The following CDH10 variants were observed in gnomAD, a reference collection of about 807,000 sequenced individuals.
CDH10 encodes the protein cadherin-10.
A neutral mutation model predicts 73.1 loss-of-function variants in CDH10; 30 were observed. The ratio of observed to expected loss-of-function variants is 0.41; its 90% confidence interval spans 0.31 to 0.56. The LOEUF (loss-of-function observed/expected upper bound fraction) is 0.56, where lower values mean the gene tolerates loss of function less well. Ranked by LOEUF, CDH10 falls within the 20% of genes least tolerant of loss-of-function variation. The pLI is 0.27. For synonymous variants in CDH10, 345 were observed against 348.2 expected (o/e 0.99, Z 0.10); for missense variants, 815 against 973.7 (o/e 0.84, Z 2.17).
At chr5:24,619,610 A>G (rs1747242910) in intron 1 of CDH10, among the ~76,000 whole-genome samples, 1 of 152,250 alleles carries the variant, frequency 6.6e-6, no homozygotes, top group Non-Finnish European at 1.5e-5. Context: ...CACGAAGGAC[A>G]TGAATTTTGG....
chr5:24,544,534 G>C (rs915779615), intron 2 of CDH10, among the ~76,000 whole-genome samples: 2 of 152,118 alleles, frequency 1.3e-5, no homozygotes, highest in Non-Finnish European at 2.9e-5. Context: ...CATTTGACAG[G>C]GTTCCCCAGA....
chr5:24,589,447 A>T (rs1746129446), intron 2 of CDH10, among the ~76,000 whole-genome samples: 2 of 152,030 alleles, frequency 1.3e-5, no homozygotes, highest in African/African-American at 4.8e-5. Flanking sequence ...ATTTTACTAT[A>T]CTGACTTAGA....
chr5:24,533,942 G>C (rs1488312701), intron 5 of CDH10, among the ~76,000 whole-genome samples: 2 of 152,052 alleles, frequency 1.3e-5, no homozygotes, highest in African/African-American at 4.8e-5. Context: ...ATAGGTACGT[G>C]ATTAGTGTGC....
At chr5:24,488,570 G>A (rs1007126497) in intron 11 of CDH10, among the ~76,000 whole-genome samples, 1 of 151,932 alleles carries the variant, frequency 6.6e-6, no homozygotes, top group East Asian at 1.9e-4. Context: ...AGGACAACAC[G>A]ATGCTTACTT....
chr5:24,557,815 T>G (rs1409251850), intron 2 of CDH10, among the ~76,000 whole-genome samples: 1 of 151,706 alleles, frequency 6.6e-6, no homozygotes, highest in Non-Finnish European at 1.5e-5. Context: ...ATTAGTATAG[T>G]CACTAAAGAA....
chr5:24,603,330 A>T (rs756910876), intron 1 of CDH10, among the ~76,000 whole-genome samples: 8 of 152,220 alleles, frequency 5.3e-5, no homozygotes, highest in Non-Finnish European at 1.2e-4. Context: ...CATTTTATGT[A>T]TGTATCATTA....
At chr5:24,596,677 C>T (rs147474850) in intron 1 of CDH10, among the ~76,000 whole-genome samples, 1 of 151,830 alleles carries the variant, frequency 6.6e-6, no homozygotes, top group Non-Finnish European at 1.5e-5. Context: ...TTAATTTCAA[C>T]CCTGATATGT....
intron 2 of CDH10, among the ~76,000 whole-genome samples, chr5:24,573,074 T>A (rs1412257137): frequency 6.6e-6 from 1 of 151,818 alleles, no homozygotes; most frequent in African/African-American, 2.4e-5. Flanking sequence ...GAACATGTGC[T>A]TTTATCTAAC....
intron 2 of CDH10, among the ~76,000 whole-genome samples, chr5:24,587,997 G>A (rs1167095720): frequency 6.6e-6 from 1 of 152,188 alleles, no homozygotes; most frequent in African/African-American, 2.4e-5. Context: ...TTTTCTGCAA[G>A]ACATGCCTCT....
chr5:24,623,678 A>T, intron 1 of CDH10, among the ~76,000 whole-genome samples: 1 of 152,220 alleles, frequency 6.6e-6, no homozygotes, highest in Non-Finnish European at 1.5e-5. Context: ...AGCAACACAG[A>T]GGTCTGAATA....
Position 24,511,324 on chromosome 5 carries a change from C to A in CDH10, c.1002+3G>T. ...GATGCTTATTTATATGGATGCTGTG[C>A]ACCTTTTTCACAGTGATGATGCCTT... On this transcript the variant is annotated splice_donor_region_variant and intron_variant, in intron 6 of 11. Transcript: ENST00000264463. 1.3e-6 allele frequency: 2 copies of A among 1,588,486 alleles called. No individual in the cohort carries two copies. The highest frequency in any genetic ancestry group is 8.6e-7 in the Non-Finnish European group (1 of 1,157,998).
chr5:24,562,362 G>A (rs1299753317), intron 2 of CDH10, among the ~76,000 whole-genome samples: 1 of 151,628 alleles, frequency 6.6e-6, no homozygotes, highest in Non-Finnish European at 1.5e-5. Flanking sequence ...ATTTTTATCA[G>A]CACTGTTGAT....
chr5:24,491,618 C>A lies in CDH10; in HGVS notation c.1834G>T (p.Gly612Trp), dbSNP rs369284486. Residue 612 changes from glycine (G) to tryptophan (W), a missense_variant, in exon 11 of 12, where the codon GGG becomes TGG. Transcript: ENST00000264463. ...ALLLPAGLSTGALIAILLCII... is the reference protein window; with the variant it reads ...ALLLPAGLSTWALIAILLCII... ...CAGAGGAGGATGGCGATCAAGGCCC[C>A]AGTGCTGAGGCCGGCAGGGAGGAGC... 3.9e-5 allele frequency: 63 copies of A among 1,613,722 alleles called. No homozygotes were observed. The highest frequency in any genetic ancestry group is 5.1e-5 in the Non-Finnish European group (60 of 1,179,878).
chr5:24,493,627 G>C (rs1284471576), intron 9 of CDH10, among the ~76,000 whole-genome samples: 1 of 151,742 alleles, frequency 6.6e-6, no homozygotes, highest in Non-Finnish European at 1.5e-5. Flanking sequence ...ATGTATGTAT[G>C]ATGTATATAT....
intron 5 of CDH10, among the ~76,000 whole-genome samples, chr5:24,517,537 G>A (rs899370792): frequency 1.3e-5 from 2 of 151,898 alleles, no homozygotes; most frequent in Non-Finnish European, 2.9e-5. Flanking sequence ...ATAATCAATA[G>A]GAGAATAATA....
intron 10 of CDH10, 21 bp downstream of exon 10, chr5:24,492,796 T>G (rs1464595492): frequency 2.1e-6 from 2 of 944,160 alleles, no homozygotes; most frequent in South Asian, 2.6e-5. Flanking sequence ...TAAGTCATAG[T>G]GAACAAGTTC....
chr5:24,615,179 C>T (rs2112154287), intron 1 of CDH10, among the ~76,000 whole-genome samples: 1 of 152,304 alleles, frequency 6.6e-6, no homozygotes, highest in Middle Eastern at 3.4e-3. Context: ...AGCCTCCATT[C>T]ATTTTTACCA....
intron 10 of CDH10, 64 bp downstream of exon 10, chr5:24,492,753 T>A (rs575242980): frequency 1.3e-6 from 1 of 764,424 alleles, no homozygotes; most frequent in East Asian, 2.5e-5. Flanking sequence ...ATTGCAATGG[T>A]TACACTCGGG....
intron 1 of CDH10, chr5:24,609,747 T>G (rs978681196): frequency 4.6e-5 from 7 of 152,376 alleles, no homozygotes; most frequent in Non-Finnish European, 1.0e-4. Context: ...TGATTTCTGC[T>G]CTTTCTTCTT....
Sources: allele counts gnomAD v4.1 joint callset (sites outside exome capture counted in the v4.1 genomes callset), GRCh38; gene constraint gnomAD v4.1.1; transcripts MANE v1.5; gene names NCBI Gene and HGNC (gene_info 2026-07-23, HGNC 2026-07-21).